Variants in RBFOX1 observed in about 807,000 individuals in gnomAD.
The protein encoded by RBFOX1 is RNA binding protein fox-1 homolog 1.
A neutral mutation model predicts 57.7 loss-of-function variants in RBFOX1; 8 were observed. The ratio of observed to expected loss-of-function variants is 0.14; its 90% CI spans 0.08 to 0.25. The LOEUF is 0.25. Among genes scored for constraint, RBFOX1 ranks in the 10% least tolerant of loss-of-function variants. The pLI is 1.00. For synonymous variants in RBFOX1, 326 were observed against 222.4 expected (o/e 1.47, Z -4.15); for missense variants, 611 against 548.5 (o/e 1.11, Z -1.14).
intron 4 of RBFOX1, among the ~76,000 whole-genome samples, chr16:5,902,617 T>TGTTA (rs1359657788): frequency 1.3e-5 from 2 of 152,048 alleles, no homozygotes; most frequent in African/African-American, 4.8e-5. Context: ...GATTTCACTA[T>TGTTA]GTTAGCCAGG....
chr16:7,275,493 C>A (rs565005678), intron 4 of RBFOX1, among the ~76,000 whole-genome samples: 1 of 152,108 alleles, frequency 6.6e-6, no homozygotes, highest in African/African-American at 2.4e-5. Flanking sequence ...TTTTGACATG[C>A]CTGCATATAT....
At chr16:5,878,697 A>G (rs569355491) in intron 4 of RBFOX1, among the ~76,000 whole-genome samples, 10 of 144,478 alleles carry the variant, frequency 6.9e-5, no homozygotes, top group East Asian at 1.9e-4. Context: ...ATCGGGGTCG[A>G]AAAAAAAGAG....
At chr16:6,003,448 C>G (rs1407541216) in intron 4 of RBFOX1, among the ~76,000 whole-genome samples, 1 of 152,144 alleles carries the variant, frequency 6.6e-6, no homozygotes, top group East Asian at 1.9e-4. Flanking sequence ...ATTTTGGTGA[C>G]TACTTCTCGC....
rs576237120 is a variant in RBFOX1 at position 6,693,272 on chromosome 16, A to G, written c.-16+38622A>G. On this transcript the variant is annotated intron_variant, in intron 3 of 15. Transcript: ENST00000550418. ...ATCATCATCATCCTCATCCACTAACATCACCACCGTCATTAGCAACATCAT... is the reference window on the plus strand; with the variant it reads ...ATCATCATCATCCTCATCCACTAACGTCACCACCGTCATTAGCAACATCAT... Among the ~76,000 whole-genome samples the G allele has an allele frequency of 1.4e-4, 21 of 151,518 alleles. No homozygotes were observed. The East Asian group carries it at 3.9e-3, about 28-fold the overall frequency.
chr16:5,265,279 G>A (rs1016288713), intron 1 of RBFOX1, among the ~76,000 whole-genome samples: 2 of 152,130 alleles, frequency 1.3e-5, no homozygotes, highest in Non-Finnish European at 2.9e-5. Context: ...ATGGACTCTT[G>A]AAGAGACATT....
At chr16:7,214,386 CT>C (rs201279652) in intron 4 of RBFOX1, among the ~76,000 whole-genome samples, 2 of 152,246 alleles carry the variant, frequency 1.3e-5, no homozygotes, top group East Asian at 3.9e-4. Flanking sequence ...AAGCTAAACA[CT>C]TCTTTGTCCT....
chr16:7,684,285 A>G (rs2075575285), intron 14 of RBFOX1, among the ~76,000 whole-genome samples: 1 of 152,094 alleles, frequency 6.6e-6, no homozygotes, highest in Non-Finnish European at 1.5e-5. Context: ...AAAAACTATG[A>G]TGAATTTCAT....
chr16:5,713,061 G>C (rs2051554165), intron 3 of RBFOX1, among the ~76,000 whole-genome samples: 1 of 152,158 alleles, frequency 6.6e-6, no homozygotes, highest in Non-Finnish European at 1.5e-5. Context: ...TGTTGGGTAG[G>C]GGATGTGCAG....
chr16:6,496,310 T>G (rs967645066), intron 2 of RBFOX1, among the ~76,000 whole-genome samples: 1 of 152,200 alleles, frequency 6.6e-6, no homozygotes, highest in Admixed American at 6.5e-5. Flanking sequence ...ACTTCCTTCA[T>G]TTGTTGTTCT....
chr16:6,454,313 T>A (rs1240263769), intron 2 of RBFOX1, among the ~76,000 whole-genome samples: 5 of 152,134 alleles, frequency 3.3e-5, no homozygotes, highest in African/African-American at 1.2e-4. Flanking sequence ...CTGTAGCACT[T>A]TGGGAGGTCA....
intron 2 of RBFOX1, among the ~76,000 whole-genome samples, chr16:6,592,900 T>A (rs892689883): frequency 3.3e-5 from 5 of 151,962 alleles, no homozygotes; most frequent in Admixed American, 6.6e-5. Flanking sequence ...GCAGAGAGAG[T>A]GGAGATCATT....
chr16:6,700,037 G>A lies in RBFOX1; in HGVS notation c.-16+45387G>A, dbSNP rs1022899783. 4.6e-5 allele frequency among the ~76,000 whole-genome samples: 7 copies of A among 152,214 alleles called. No individual in the cohort carries two copies. The South Asian group carries it at 1.5e-3, about 32-fold the overall frequency. ...CTTTTCCTTCTCTTACGATTGGCAA[G>A]AAAAAGCTTAAAACCTCTCTCTCAT... is the stretch of plus-strand genomic sequence containing the variant. On this transcript the variant is annotated intron_variant, in intron 3 of 15. Coordinates refer to ENST00000550418, the MANE Select transcript of RBFOX1 (RefSeq NM_018723.4).
intron 2 of RBFOX1, among the ~76,000 whole-genome samples, chr16:6,555,361 G>C (rs1360718887): frequency 2.0e-5 from 3 of 152,060 alleles, no homozygotes; most frequent in Non-Finnish European, 4.4e-5. Context: ...TGAAATATGG[G>C]TTTGACCACA....
At chr16:6,326,579 G>C (rs530176204) in intron 2 of RBFOX1, among the ~76,000 whole-genome samples, 1 of 151,870 alleles carries the variant, frequency 6.6e-6, no homozygotes, top group Non-Finnish European at 1.5e-5. Flanking sequence ...GGGTTGTTTC[G>C]TCTCCCAGCA....
intron 3 of RBFOX1, among the ~76,000 whole-genome samples, chr16:6,929,407 T>C (rs7342691): frequency 9.2e-5 from 14 of 152,274 alleles, no homozygotes; most frequent in African/African-American, 3.4e-4. Flanking sequence ...ACAAGCAGTA[T>C]TGATGCCTCC....
At chr16:5,613,232 A>C (rs1177521729) in intron 3 of RBFOX1, among the ~76,000 whole-genome samples, 1 of 152,122 alleles carries the variant, frequency 6.6e-6, no homozygotes, top group African/African-American at 2.4e-5. Context: ...ACCTCCCCAC[A>C]CCCAACATGT....
At chr16:6,812,207 A>C (rs1394293279) in intron 3 of RBFOX1, among the ~76,000 whole-genome samples, 2 of 152,194 alleles carry the variant, frequency 1.3e-5, no homozygotes, top group Non-Finnish European at 2.9e-5. Context: ...GTTAGAATGA[A>C]TATCTGTGAA....
intron 4 of RBFOX1, among the ~76,000 whole-genome samples, chr16:7,053,663 T>A (rs938930956): frequency 6.6e-6 from 1 of 152,208 alleles, no homozygotes; most frequent in African/African-American, 2.4e-5. Flanking sequence ...TTATTTCCCA[T>A]TTATGAGTCC....
intron 3 of RBFOX1, among the ~76,000 whole-genome samples, chr16:6,740,046 A>G (rs1444060128): frequency 1.3e-5 from 2 of 152,222 alleles, no homozygotes; most frequent in Admixed American, 6.5e-5. Context: ...GAATCTAACA[A>G]TATATAAAAA....
Sources: gnomAD v4.1 joint callset for allele counts (sites outside exome capture counted in the v4.1 genomes callset) on GRCh38, gnomAD v4.1.1 for gene constraint, MANE v1.5 for transcripts, NCBI Gene and HGNC (gene_info 2026-07-23, HGNC 2026-07-21) for gene names.